Variants in SLC1A5 observed in about 807,000 individuals in gnomAD.
The protein encoded by SLC1A5 is solute carrier family 1 member 5.
SLC1A5 carries 25 observed loss-of-function variants against 34.9 expected under a neutral mutation model. That is an observed-to-expected ratio of 0.72 (90% CI 0.52 to 1.00). The LOEUF is 1.00. Among genes scored for constraint, SLC1A5 ranks in the 50% least tolerant of loss-of-function variants. SLC1A5 has a pLI of 0.00. For synonymous variants in SLC1A5, 351 were observed against 341.2 expected (o/e 1.03, Z -0.32); for missense variants, 637 against 740.0 (o/e 0.86, Z 1.61).
At chr19:46,780,116 T>C (rs768673546) in intron 4 of SLC1A5, among the ~76,000 whole-genome samples, 4 of 151,846 alleles carry the variant, frequency 2.6e-5, no homozygotes, top group Non-Finnish European at 4.4e-5. Context: ...CCTCCCAAAG[T>C]GCTGGGATTA....
In SLC1A5 at chr19:46,782,409, G is replaced by A. The variant is rs759263181; in HGVS notation, c.798C>T (p.Thr266=). 26 of 1,404,598 alleles carry A rather than the reference G, an allele frequency of 1.9e-5. No homozygotes were observed. In the East Asian group the frequency reaches 8.6e-4, roughly 46 times the overall value. The allele number at this position is 1,404,598 out of a possible 1,614,324, so 87.0% of individuals were successfully genotyped here. Residue 266 remains threonine, a synonymous_variant, in exon 4 of 8, where the codon ACC becomes ACT. Coordinates refer to ENST00000542575, the MANE Select transcript of SLC1A5 (RefSeq NM_005628.3). ...IRFFNSFNEA[T]MVLVSWIMWY... The stretch of plus-strand genomic sequence containing the variant: ...ACATGATCCAGGAGACCAGAACCAT[G>A]GTGGCCTCATTGAAGGAGTTGAAGA...
At position 46,775,201 on chromosome 19, in the gene SLC1A5, C is replaced by T; in HGVS notation, c.*309G>A. The T allele has an allele frequency of 9.1e-7, 1 of 1,101,340 alleles. No individual in the cohort carries two copies. Among genetic ancestry groups the T allele is most frequent in the African/African-American group, 1.6e-5 (1 of 61,112 alleles). The allele number at this position is 1,101,340 out of a possible 1,614,324, so 68.2% of individuals were successfully genotyped here. ...CCCATGGTGACCTGTGACCTGCTCC[C>T]TGAGACAGGGGAGGCCAGGCAGGTC... On this transcript the variant is annotated 3_prime_UTR_variant, in exon 8 of 8. Coordinates refer to ENST00000542575, the MANE Select transcript of SLC1A5 (RefSeq NM_005628.3).
Position 46,788,022 on chromosome 19 carries a change from C to A in SLC1A5, c.-57G>T. 6.8e-7 allele frequency: 1 copy of A among 1,463,582 alleles called. No homozygotes were observed. Among genetic ancestry groups the A allele is most frequent in the Non-Finnish European group, 9.1e-7 (1 of 1,104,688 alleles). The allele number at this position is 1,463,582 out of a possible 1,614,324, so 90.7% of individuals were successfully genotyped here. The stretch of plus-strand genomic sequence containing the variant: ...GAAGCTGGCTGGGAGCGCTTGGGCT[C>A]CTTCCCAGGACCCGACGTTCCTAGG... On this transcript the variant is annotated 5_prime_UTR_variant, in exon 1 of 8. Transcript: ENST00000542575.
intron 4 of SLC1A5, 23 bp downstream of exon 4, chr19:46,782,360 C>CCCCCCCCCAA: frequency 4.5e-6 from 6 of 1,332,696 alleles, no homozygotes; most frequent in African/African-American, 2.9e-5. Context: ...CACCCACCCC[C>CCCCCCCCCAA]AGCCTCCTCT....
chr19:46,775,277 C>T lies in SLC1A5; in HGVS notation c.*233G>A, dbSNP rs2055076057. 1 of 1,279,500 alleles carries T rather than the reference C, an allele frequency of 7.8e-7. No homozygotes were observed. The highest frequency in any genetic ancestry group is 9.9e-7 in the Non-Finnish European group (1 of 1,010,532). The allele number at this position is 1,279,500 out of a possible 1,614,324, so 79.3% of individuals were successfully genotyped here. A position where few individuals can be genotyped will look rare whatever the true frequency, so the allele number is the denominator to read the frequency against. ...TTTCTCCATCTTGCTGTTTTCTAGC[C>T]TTGAGTTGGGGACATGAGTGAGAAC... On this transcript the variant is annotated 3_prime_UTR_variant, in exon 8 of 8. Coordinates refer to ENST00000542575, the MANE Select transcript of SLC1A5 (RefSeq NM_005628.3).
intron 4 of SLC1A5, 37 bp downstream of exon 4, chr19:46,782,346 A>AACCCCCCCCCCCCCCCCCCCCC: frequency 3.5e-6 from 2 of 567,986 alleles, no homozygotes. Context: ...CGACCCTCCA[A>AACCCCCCCCCCCCCCCCCCCCC]CCCCACCCAC....
intron 5 of SLC1A5, among the ~76,000 whole-genome samples, chr19:46,777,812 C>G (rs1347188877): frequency 1.3e-5 from 2 of 151,352 alleles, no homozygotes; most frequent in Admixed American, 6.6e-5. Flanking sequence ...CTAGACCCCC[C>G]TTCCCTCCTA....
At chr19:46,782,354 C>CCCCCCCCCCCACCACAA in intron 4 of SLC1A5, 29 bp downstream of exon 4, 1 of 827,482 alleles carries the variant, frequency 1.2e-6, no homozygotes, top group Non-Finnish European at 1.9e-6. Context: ...CAACCCCACC[C>CCCCCCCCCCCACCACAA]ACCCCCAGCC....
At position 46,778,656 on chromosome 19, in the gene SLC1A5, GC is replaced by G; in HGVS notation, c.1058+18del. The G allele has an allele frequency of 3.1e-6, 2 of 642,950 alleles. No individual in the cohort carries two copies. Among genetic ancestry groups the G allele is most frequent in the Non-Finnish European group, 2.9e-6 (1 of 346,596 alleles). The allele number at this position is 642,950 out of a possible 1,614,324, so 39.8% of individuals were successfully genotyped here. On this transcript the variant is annotated intron_variant, in intron 5 of 7. Coordinates refer to ENST00000542575, the MANE Select transcript of SLC1A5 (RefSeq NM_005628.3). The stretch of plus-strand genomic sequence containing the variant: ...TTAGCGGATTAAACATCCCACCCTA[GC>G]CCACCCCAAGGCCGTACCTGGAAGA...
Position 46,782,126 on chromosome 19 carries a change from T to C in SLC1A5, c.824+257A>G, listed in dbSNP as rs111629961. The stretch of plus-strand genomic sequence containing the variant: ...GGCCAGGCTGGTTTTGAACTCCTGA[T>C]CTCAAGTGATCCACCCACCTCCTCC... On this transcript the variant is annotated intron_variant, in intron 4 of 7. Coordinates refer to ENST00000542575, the MANE Select transcript of SLC1A5 (RefSeq NM_005628.3). Among the ~76,000 whole-genome samples the C allele has an allele frequency of 0.13, 19,359 of 152,046 alleles. 1,336 individuals are homozygous for C. Among genetic ancestry groups the C allele is most frequent in the African/African-American group, 0.17 (6,927 of 41,448 alleles).
Position 46,777,315 on chromosome 19 carries a change from G to A in SLC1A5, c.1149C>T (p.Ala383=), listed in dbSNP as rs1240924658. ...GCGCGGCACCGTCCATGTTGACGGT[G>A]GCGCCGATGGGCAGGATGAAACGGC... ...HISRFILPIG[A]TVNMDGAALF... The change falls in exon 6 of 8, where the codon GCC becomes GCT. Residue 383 remains alanine (A), a synonymous_variant. Coordinates refer to ENST00000542575, the MANE Select transcript of SLC1A5 (RefSeq NM_005628.3). 1 of 1,613,678 alleles carries A rather than the reference G, an allele frequency of 6.2e-7. No homozygotes were observed. The highest frequency in any genetic ancestry group is 1.3e-5 in the African/African-American group (1 of 74,918).
intron 4 of SLC1A5, among the ~76,000 whole-genome samples, chr19:46,779,614 G>C (rs1008438824): frequency 6.6e-6 from 1 of 151,278 alleles, no homozygotes; most frequent in Non-Finnish European, 1.5e-5. Context: ...GAAAGATAAA[G>C]AGGCTGGGCA....
intron 2 of SLC1A5, 38 bp downstream of exon 2, chr19:46,784,479 T>C (rs2055171532): frequency 6.2e-7 from 1 of 1,613,098 alleles, no homozygotes; most frequent in Non-Finnish European, 8.5e-7. Context: ...TCCCTCCCTG[T>C]CCACCCCCAT....
Position 46,775,001 on chromosome 19 carries a change from T to G in SLC1A5, c.*509A>C, listed in dbSNP as rs1244044624. 3.0e-6 allele frequency: 3 copies of G among 985,798 alleles called. No homozygotes were observed. The highest frequency in any genetic ancestry group is 1.8e-5 in the African/African-American group (1 of 56,874). The allele number at this position is 985,798 out of a possible 1,614,324, so 61.1% of individuals were successfully genotyped here. A position where few individuals can be genotyped will look rare whatever the true frequency, so the allele number is the denominator to read the frequency against. On this transcript the variant is annotated 3_prime_UTR_variant, in exon 8 of 8. Coordinates refer to ENST00000542575, the MANE Select transcript of SLC1A5 (RefSeq NM_005628.3). ...AGTGTTTCTGTTATTGTGGAGGGAA[T>G]AGGGGATCTGGGGACAGGGTGGGAC...
chr19:46,777,279 G>T lies in SLC1A5; in HGVS notation c.1185C>A (p.Cys395Ter). The T allele has an allele frequency of 6.2e-7, 1 of 1,613,486 alleles. No homozygotes were observed. The highest frequency in any genetic ancestry group is 8.5e-7 in the Non-Finnish European group (1 of 1,179,872). ...GCTGTGCAATGAACACTGCGGCCAC[G>T]CACTGGAAGAGCGCGGCACCGTCCA... ...VNMDGAALFQ[C>*]VAAVFIAQLS... The change falls in exon 6 of 8, where the codon TGC becomes TGA. Residue 395 changes from cysteine (C) to a stop codon, truncating the protein, a stop_gained. Transcript: ENST00000542575. LOFTEE classifies it high-confidence loss of function.
chr19:46,779,182 T>TGAACCC, intron 4 of SLC1A5, among the ~76,000 whole-genome samples: 1 of 151,670 alleles, frequency 6.6e-6, no homozygotes, highest in Non-Finnish European at 1.5e-5. Flanking sequence ...CCCAGCACTT[T>TGAACCC]GGGAGGCTGA....
rs779397454 is a variant in SLC1A5 at position 46,777,338 on chromosome 19, G to A, written c.1126C>T (p.Arg376Cys). ...ENNGVAKHIS[R>C]FILPIGATVN... Reference sequence around the variant, plus strand: ...GTGGCGCCGATGGGCAGGATGAAACGGCTGATGTGCTTGGCCACGCCATTA... The same window carrying A: ...GTGGCGCCGATGGGCAGGATGAAACAGCTGATGTGCTTGGCCACGCCATTA... Residue 376 changes from arginine (R) to cysteine (C), a missense_variant, in exon 6 of 8, where the codon CGT (arginine) becomes TGT (cysteine). Transcript: ENST00000542575. 7.4e-6 allele frequency: 12 copies of A among 1,613,760 alleles called. No individual in the cohort carries two copies. In the South Asian group the frequency reaches 1.2e-4, roughly 16 times the overall value.
chr19:46,784,048 T>C lies in SLC1A5; in HGVS notation c.657+49A>G, dbSNP rs189939813. The C allele has an allele frequency of 4.1e-4, 613 of 1,489,092 alleles. 1 individual carries two copies. Among genetic ancestry groups the C allele is most frequent in the Non-Finnish European group, 7.4e-5 (79 of 1,068,554 alleles). 92.2% of individuals were successfully genotyped at this position (1,489,092 alleles called of 1,614,324 possible). A position where few individuals can be genotyped will look rare whatever the true frequency, so the allele number is the denominator to read the frequency against. On this transcript the variant is annotated intron_variant, in intron 3 of 7. Coordinates refer to ENST00000542575, the MANE Select transcript of SLC1A5 (RefSeq NM_005628.3). ...AGGCAGAAATAAAACCAAAAAATTATAGCAATAGGCAAAGAGGTAGAGCCC... is the reference window on the plus strand; with the variant it reads ...AGGCAGAAATAAAACCAAAAAATTACAGCAATAGGCAAAGAGGTAGAGCCC...
Position 46,787,550 on chromosome 19 carries a change from G to A in SLC1A5, c.416C>T (p.Thr139Met), listed in dbSNP as rs1234177905. Residue 139 changes from threonine to methionine, a missense_variant, in exon 1 of 8, where the codon ACG becomes ATG. Physicochemically the swap from Thr to Met is moderately conservative, Grantham distance 81. Transcript: ENST00000542575. The surrounding 1 kb of genome is among the most constrained non-coding windows in gnomAD (Gnocchi z 5.2). ...AWALLFFLVT[T>M]LLASALGVGL... ...CACTCCGAGCGCCGACGCCAGCAGC[G>A]TGGTGACCAGGAAAAAGAGCAGCGC... 1.9e-6 allele frequency: 3 copies of A among 1,572,104 alleles called. No individual in the cohort carries two copies. Among genetic ancestry groups the A allele is most frequent in the East Asian group, 2.3e-5 (1 of 43,104 alleles).
Sources: gnomAD v4.1 joint callset for allele counts (sites outside exome capture counted in the v4.1 genomes callset) on GRCh38, gnomAD v4.1.1 for gene constraint, Gnocchi (gnomAD v3.1) non-coding constraint, MANE v1.5 for transcripts, NCBI Gene and HGNC (gene_info 2026-07-23, HGNC 2026-07-21) for gene names.